The following MYBL2 variants were observed in gnomAD, a reference collection of about 807,000 sequenced individuals.
MYBL2 encodes the protein MYB proto-oncogene like 2.
In MYBL2, 28 loss-of-function variants were observed where a neutral mutation model predicts 79.9. That is an observed-to-expected ratio of 0.35 (90% CI 0.26 to 0.48). The LOEUF is 0.48. Ranked by LOEUF, MYBL2 falls within the 20% of genes least tolerant of loss-of-function variation. MYBL2 has a pLI of 0.99. For missense variants in MYBL2, 735 were observed against 893.9 expected (o/e 0.82, Z 2.27); for synonymous variants, 378 against 361.2 (o/e 1.05, Z -0.53).
At chr20:43,682,466 C>T (rs992985401) in intron 3 of MYBL2, among the ~76,000 whole-genome samples, 13 of 152,344 alleles carry the variant, frequency 8.5e-5, no homozygotes, top group African/African-American at 3.1e-4. Flanking sequence ...CTGAACTCTT[C>T]AGGGAATAAA....
chr20:43,706,856 C>G (rs539585710), intron 9 of MYBL2, among the ~76,000 whole-genome samples: 1 of 150,854 alleles, frequency 6.6e-6, no homozygotes, highest in Admixed American at 6.6e-5. Flanking sequence ...GCTGGGATTA[C>G]AGGCACGCGC....
At chr20:43,669,980 T>C (rs1986820101) in intron 1 of MYBL2, among the ~76,000 whole-genome samples, 1 of 152,208 alleles carries the variant, frequency 6.6e-6, no homozygotes, top group Non-Finnish European at 1.5e-5. Context: ...GGTAGGCGCC[T>C]GTAAGCGCGG....
chr20:43,711,645 A>T (rs2145735501), intron 11 of MYBL2, 44 bp downstream of exon 11: 1 of 1,551,148 alleles, frequency 6.4e-7, no homozygotes, highest in East Asian at 2.4e-5. Context: ...GGGGAATTGG[A>T]GCCGTGGCAT....
intron 5 of MYBL2, among the ~76,000 whole-genome samples, chr20:43,689,811 G>A (rs149524347): frequency 2.0e-5 from 3 of 152,314 alleles, no homozygotes; most frequent in African/African-American, 7.2e-5. Flanking sequence ...GCACACAGTG[G>A]GTGCTTTTTA....
chr20:43,673,599 A>T, intron 1 of MYBL2: 1 of 644,324 alleles, frequency 1.6e-6, no homozygotes, highest in Non-Finnish European at 2.9e-6. Flanking sequence ...ATCATGCCAC[A>T]CTGAATTCCA....
intron 5 of MYBL2, among the ~76,000 whole-genome samples, chr20:43,688,010 C>CA (rs11086887): frequency 0.75 from 88,157 of 117,252 alleles, 32,997 homozygotes; most frequent in Non-Finnish European, 0.82. Context: ...AGACTGTCTC[C>CA]AAAAAAAAAA....
At chr20:43,679,912 C>CAAAAAAAA (rs3092365) in intron 2 of MYBL2, among the ~76,000 whole-genome samples, 1 of 144,268 alleles carries the variant, frequency 6.9e-6, no homozygotes. Context: ...GACCCTATCT[C>CAAAAAAAA]AAAAAAAAAA....
chr20:43,676,678 T>C (rs897163203), intron 2 of MYBL2, among the ~76,000 whole-genome samples: 1 of 152,234 alleles, frequency 6.6e-6, no homozygotes, highest in African/African-American at 2.4e-5. Flanking sequence ...TTTGGGAAGA[T>C]AGGTATGGTC....
chr20:43,714,362 C>G (rs868408127), intron 12 of MYBL2, among the ~76,000 whole-genome samples: 1 of 152,176 alleles, frequency 6.6e-6, no homozygotes, highest in East Asian at 1.9e-4. Context: ...AGCCTTGGCT[C>G]CTCCTGAGGC....
At chr20:43,671,614 A>G (rs1424452393) in intron 1 of MYBL2, among the ~76,000 whole-genome samples, 1 of 151,592 alleles carries the variant, frequency 6.6e-6, no homozygotes, top group Non-Finnish European at 1.5e-5. Flanking sequence ...CTGGGATTAC[A>G]GGCATGCACC....
intron 2 of MYBL2, among the ~76,000 whole-genome samples, chr20:43,678,573 G>T (rs888743281): frequency 6.6e-6 from 1 of 151,988 alleles, no homozygotes; most frequent in East Asian, 1.9e-4. Context: ...AGAGAGATGG[G>T]TGGCCTGGCG....
chr20:43,705,193 CT>C, intron 8 of MYBL2, 25 bp from the exon 9 acceptor site: 1 of 1,612,148 alleles, frequency 6.2e-7, no homozygotes, highest in East Asian at 2.2e-5. Context: ...ATCATTTTGT[CT>C]TGTTCCCTCT....
At chr20:43,670,082 G>A (rs879319964) in intron 1 of MYBL2, among the ~76,000 whole-genome samples, 10 of 152,188 alleles carry the variant, frequency 6.6e-5, no homozygotes, top group Admixed American at 6.6e-4. Flanking sequence ...TTCAGCCTGG[G>A]TGACAAAGCG....
intron 12 of MYBL2, among the ~76,000 whole-genome samples, chr20:43,714,652 G>T (rs1987987196): frequency 6.6e-6 from 1 of 151,708 alleles, no homozygotes. Context: ...TTTTGAGACG[G>T]AGTCTGGCTC....
At chr20:43,715,936 G>A in intron 13 of MYBL2, 23 bp from the exon 14 acceptor site, 4 of 1,601,446 alleles carry the variant, frequency 2.5e-6, no homozygotes, top group Non-Finnish European at 3.4e-6. Context: ...TGCCTGGATG[G>A]TAACCCTCTT....
intron 6 of MYBL2, among the ~76,000 whole-genome samples, chr20:43,697,937 G>A (rs3117538): frequency 0.91 from 136,276 of 149,870 alleles, 62,067 homozygotes; most frequent in South Asian, 0.93. Flanking sequence ...AAAAAATTGC[G>A]TGTATTTATG....
At chr20:43,699,163 C>G (rs558445799) in intron 6 of MYBL2, among the ~76,000 whole-genome samples, 26 of 152,196 alleles carry the variant, frequency 1.7e-4, no homozygotes, top group East Asian at 1.5e-3. Context: ...CTCAGCCTCC[C>G]GAGTAGCTAG....
chr20:43,711,004 C>T (rs1355941798), intron 10 of MYBL2, among the ~76,000 whole-genome samples: 1 of 152,184 alleles, frequency 6.6e-6, no homozygotes, highest in Non-Finnish European at 1.5e-5. Flanking sequence ...CTTAGTAGCA[C>T]TCGCCCTCCC....
At chr20:43,671,795 A>G (rs997680906) in intron 1 of MYBL2, among the ~76,000 whole-genome samples, 3 of 151,628 alleles carry the variant, frequency 2.0e-5, no homozygotes, top group African/African-American at 7.3e-5. Context: ...TAACTATTAA[A>G]CTGGATAAAT....
Sources: allele counts gnomAD v4.1 joint callset (sites outside exome capture counted in the v4.1 genomes callset), GRCh38; gene constraint gnomAD v4.1.1; transcripts MANE v1.5; gene names NCBI Gene and HGNC (gene_info 2026-07-23, HGNC 2026-07-21).